Variants in TRAPPC8 observed in about 807,000 individuals in gnomAD.
The protein encoded by TRAPPC8 is trafficking protein particle complex subunit 8.
TRAPPC8 carries 54 observed loss-of-function variants against 174.3 expected under a neutral mutation model. The ratio of observed to expected loss-of-function variants is 0.31; its 90% CI spans 0.25 to 0.39. The LOEUF (loss-of-function observed/expected upper bound fraction) is 0.39, where lower values mean the gene tolerates loss of function less well. Ranked by LOEUF, TRAPPC8 falls within the 10% of genes least tolerant of loss-of-function variation. TRAPPC8 has a pLI of 1.00. For missense variants in TRAPPC8, 1,531 were observed against 1,699.1 expected (o/e 0.90, Z 1.74); for synonymous variants, 630 against 579.9 (o/e 1.09, Z -1.24).
intron 1 of TRAPPC8, among the ~76,000 whole-genome samples, chr18:31,934,307 G>T (rs1287102063): frequency 2.6e-5 from 4 of 151,988 alleles, no homozygotes; most frequent in African/African-American, 9.7e-5. Context: ...TATAACGTTT[G>T]ATTTTTTTTT....
intron 12 of TRAPPC8, among the ~76,000 whole-genome samples, chr18:31,878,900 A>G (rs1171040452): frequency 6.6e-6 from 1 of 152,240 alleles, no homozygotes; most frequent in Non-Finnish European, 1.5e-5. Context: ...ATATAATGAT[A>G]AAGAGTTCAA....
At chr18:31,880,121 A>ATTTTT (rs56728828) in intron 12 of TRAPPC8, among the ~76,000 whole-genome samples, 4 of 69,054 alleles carry the variant, frequency 5.8e-5, no homozygotes, top group African/African-American at 2.4e-4. Context: ...ATATATATAT[A>ATTTTT]TTTTTTTTTT....
At chr18:31,853,361 G>A (rs987161010) in intron 22 of TRAPPC8, among the ~76,000 whole-genome samples, 1 of 152,116 alleles carries the variant, frequency 6.6e-6, no homozygotes, top group Non-Finnish European at 1.5e-5. Context: ...TCTGCCTCCC[G>A]GGTTCAGGCA....
In TRAPPC8 at chr18:31,830,677, T is replaced by TAA; in HGVS notation, c.*77_*78insTT. 1.7e-6 allele frequency: 2 copies of TAA among 1,198,506 alleles called. No individual in the cohort carries two copies. The highest frequency in any genetic ancestry group is 3.0e-5 in the South Asian group (2 of 66,760). The allele number at this position is 1,198,506 out of a possible 1,614,324, so 74.2% of individuals were successfully genotyped here. On this transcript the variant is annotated 3_prime_UTR_variant, in exon 29 of 29. Transcript: ENST00000283351. ...ATATCAATCAACCTCCATAACAAGT[T>TAA]AGGTATATCAAATACTGCTGTAAAA... is the stretch of plus-strand genomic sequence containing the variant.
intron 1 of TRAPPC8, among the ~76,000 whole-genome samples, chr18:31,940,778 T>A (rs1012618371): frequency 1.1e-4 from 17 of 152,118 alleles, no homozygotes; most frequent in African/African-American, 4.1e-4. Context: ...ATTACAAGCG[T>A]GAGCCACCGC....
At chr18:31,908,598 T>TG (rs768075792) in intron 7 of TRAPPC8, among the ~76,000 whole-genome samples, 156 bp downstream of exon 7, 1 of 152,142 alleles carries the variant, frequency 6.6e-6, no homozygotes, top group Non-Finnish European at 1.5e-5. Context: ...CTTCTAGAGT[T>TG]GAACAGAATT....
At chr18:31,856,788 G>C (rs2034039129) in intron 20 of TRAPPC8, among the ~76,000 whole-genome samples, 1 of 145,216 alleles carries the variant, frequency 6.9e-6, no homozygotes. Flanking sequence ...TCCCTCCCTT[G>C]ATATTCAAAT....
At chr18:31,910,191 T>C (rs973631011) in intron 5 of TRAPPC8, among the ~76,000 whole-genome samples, 1 of 152,110 alleles carries the variant, frequency 6.6e-6, no homozygotes, top group African/African-American at 2.4e-5. Flanking sequence ...TGTAAGCAGG[T>C]TGGAGTGAAT....
intron 26 of TRAPPC8, among the ~76,000 whole-genome samples, chr18:31,842,267 A>G (rs2033146165): frequency 6.6e-6 from 1 of 152,186 alleles, no homozygotes; most frequent in East Asian, 1.9e-4. Context: ...TAATGGTGAG[A>G]TGTTAATCAC....
chr18:31,851,207 T>G (rs1476382745), intron 24 of TRAPPC8, among the ~76,000 whole-genome samples: 1 of 152,184 alleles, frequency 6.6e-6, no homozygotes, highest in Non-Finnish European at 1.5e-5. Flanking sequence ...TCAGCATTTT[T>G]CAAAGCAGGT....
intron 22 of TRAPPC8, 181 bp from the exon 23 acceptor site, chr18:31,852,844 A>G (rs2033784457): frequency 1.7e-6 from 1 of 590,696 alleles, no homozygotes; most frequent in African/African-American, 1.9e-5. Flanking sequence ...ATAAATTTCA[A>G]TTTTCTCAAA....
chr18:31,876,489 CAAAAAAAA>C (rs71175801), intron 12 of TRAPPC8, among the ~76,000 whole-genome samples: 20 of 48,716 alleles, frequency 4.1e-4, no homozygotes, highest in African/African-American at 1.6e-3. Context: ...GACTCCATCT[CAAAAAAAA>C]AAAAAAAAAA....
chr18:31,919,504 G>C (rs1287235991), intron 2 of TRAPPC8, among the ~76,000 whole-genome samples: 3 of 143,406 alleles, frequency 2.1e-5, no homozygotes, highest in African/African-American at 7.4e-5. Flanking sequence ...CTGTACTCCA[G>C]CCTGGGCAAT....
intron 12 of TRAPPC8, among the ~76,000 whole-genome samples, chr18:31,890,287 A>G (rs2035898072): frequency 6.6e-6 from 1 of 152,200 alleles, no homozygotes; most frequent in Admixed American, 6.5e-5. Context: ...GAGACAACAG[A>G]CAGAAGATGT....
At chr18:31,929,430 G>C (rs1361761670) in intron 2 of TRAPPC8, among the ~76,000 whole-genome samples, 2 of 152,054 alleles carry the variant, frequency 1.3e-5, no homozygotes, top group Non-Finnish European at 2.9e-5. Context: ...GGGAGGCTGA[G>C]GTGAGAAGAT....
chr18:31,937,283 C>T (rs1734912698), intron 1 of TRAPPC8, among the ~76,000 whole-genome samples: 1 of 152,172 alleles, frequency 6.6e-6, no homozygotes, highest in African/African-American at 2.4e-5. Context: ...GTAATCAAAG[C>T]ACTTTGGGAA....
chr18:31,871,072 G>A lies in TRAPPC8; in HGVS notation c.2111C>T (p.Ser704Phe), dbSNP rs767937912. ...TTCTCGCCACTGCTGAGAGGATTCA[G>A]AATCATATTCTTGATCAAGACTTAC... ...THVSLDQEYD[S>F]ESSQQWRELE... Residue 704 changes from serine (S) to phenylalanine (F), a missense_variant, in exon 15 of 29, where the codon TCT (serine) becomes TTT (phenylalanine). Ser to Phe is a radical substitution (Grantham distance 155, BLOSUM62 -2). Coordinates refer to ENST00000283351, the MANE Select transcript of TRAPPC8 (RefSeq NM_014939.5). The A allele has an allele frequency of 3.1e-6, 5 of 1,601,126 alleles. No individual in the cohort carries two copies. Among genetic ancestry groups the A allele is most frequent in the Non-Finnish European group, 2.6e-6 (3 of 1,172,386 alleles).
Position 31,888,684 on chromosome 18 carries a change from G to A in TRAPPC8, c.1728+2051C>T, listed in dbSNP as rs140260099. 3.0e-3 allele frequency among the ~76,000 whole-genome samples: 459 copies of A among 152,246 alleles called. 2 individuals carry two copies. Among genetic ancestry groups the A allele is most frequent in the African/African-American group, 9.6e-3 (399 of 41,534 alleles). On this transcript the variant is annotated intron_variant, in intron 12 of 28. Coordinates refer to ENST00000283351, the MANE Select transcript of TRAPPC8 (RefSeq NM_014939.5). ...ACACAGGAAGAGAAAACTGAACACC[G>A]CATGTTCTCACTTGTAAGTGGGAGC...
In TRAPPC8 at chr18:31,830,845, C is replaced by A. The variant is rs1223400883; in HGVS notation, c.4218G>T (p.Arg1406Ser). The A allele has an allele frequency of 6.2e-7, 1 of 1,613,940 alleles. No homozygotes were observed. The highest frequency in any genetic ancestry group is 8.5e-7 in the Non-Finnish European group (1 of 1,180,022). Residue 1406 changes from arginine to serine, a missense_variant, in exon 29 of 29, where the codon AGG becomes AGT. Coordinates refer to ENST00000283351, the MANE Select transcript of TRAPPC8 (RefSeq NM_014939.5). ...HTGVYNLGTPRVFAKLSDQVT... is the reference protein window; with the variant it reads ...HTGVYNLGTPSVFAKLSDQVT... ...CTTGGTCCGATAACTTGGCAAATAC[C>A]CTAGGAGTTCCAAGGTTATAAACAC...
Sources: gnomAD v4.1 joint callset for allele counts (sites outside exome capture counted in the v4.1 genomes callset) on GRCh38, gnomAD v4.1.1 for gene constraint, MANE v1.5 for transcripts, NCBI Gene and HGNC (gene_info 2026-07-23, HGNC 2026-07-21) for gene names.